SOS2: variants seen among roughly 807,000 people sequenced by gnomAD.
SOS2 encodes son of sevenless homolog 2.
SOS2 carries 65 observed loss-of-function variants against 148.2 expected under a neutral mutation model. That is an observed-to-expected ratio of 0.44 (90% CI 0.36 to 0.54). The LOEUF is 0.54. Among genes scored for constraint, SOS2 ranks in the 20% least tolerant of loss-of-function variants. SOS2 has a pLI of 0.00. For missense variants in SOS2, 1,341 were observed against 1,590.2 expected (o/e 0.84, Z 2.67); for synonymous variants, 539 against 537.1 (o/e 1.00, Z -0.05).
chr14:50,204,933 T>C (rs1055553227), intron 1 of SOS2, among the ~76,000 whole-genome samples: 5 of 150,728 alleles, frequency 3.3e-5, no homozygotes, highest in Non-Finnish European at 7.4e-5. Context: ...TGCATCCTTC[T>C]AGGGATGAGC....
chr14:50,201,836 TA>T (rs1259016283), intron 2 of SOS2, among the ~76,000 whole-genome samples: 1 of 152,196 alleles, frequency 6.6e-6, no homozygotes, highest in Non-Finnish European at 1.5e-5. Context: ...GAGCTTCAAA[TA>T]AAAGAGGTCA....
chr14:50,179,952 TAG>T, intron 7 of SOS2, among the ~76,000 whole-genome samples: 1 of 152,064 alleles, frequency 6.6e-6, no homozygotes, highest in Non-Finnish European at 1.5e-5. Context: ...CTTCCTCCTA[TAG>T]GGAACATAAT....
intron 8 of SOS2, among the ~76,000 whole-genome samples, chr14:50,170,103 T>C (rs1772502469): frequency 1.3e-5 from 2 of 151,512 alleles, no homozygotes; most frequent in Admixed American, 1.3e-4. Flanking sequence ...TCTGATTTTT[T>C]TTTTTTTTTT....
chr14:50,148,853 T>C (rs1340421030), intron 14 of SOS2, among the ~76,000 whole-genome samples: 3 of 152,216 alleles, frequency 2.0e-5, no homozygotes, highest in Admixed American at 6.5e-5. Flanking sequence ...TTTCCCTGTG[T>C]AATCTTTATT....
intron 9 of SOS2, among the ~76,000 whole-genome samples, chr14:50,160,442 A>AAT (rs1016161323): frequency 7.7e-6 from 1 of 129,370 alleles, no homozygotes; most frequent in Non-Finnish European, 1.5e-5. Flanking sequence ...GCTGGAATGC[A>AAT]ATGGCACGAT....
At chr14:50,181,539 T>G (rs537733706) in intron 6 of SOS2, among the ~76,000 whole-genome samples, 1 of 152,164 alleles carries the variant, frequency 6.6e-6, no homozygotes, top group Admixed American at 6.5e-5. Context: ...GAAAAAACTC[T>G]ACAACCTATG....
intron 19 of SOS2, 150 bp downstream of exon 19, chr14:50,133,972 TC>T (rs144665765): frequency 1.5e-4 from 93 of 622,426 alleles, no homozygotes; most frequent in South Asian, 1.8e-4. Context: ...GGCTGACATT[TC>T]CCCCCCCAGT....
Position 50,230,854 on chromosome 14 carries a change from T to C in SOS2, c.87+343A>G, listed in dbSNP as rs147657023. 11 of 1,005,292 alleles carry C rather than the reference T, an allele frequency of 1.1e-5. No homozygotes were observed. The East Asian group carries it at 1.0e-3, about 94-fold the overall frequency. The allele number at this position is 1,005,292 out of a possible 1,614,324, so 62.3% of individuals were successfully genotyped here. A position where few individuals can be genotyped will look rare whatever the true frequency, so the allele number is the denominator to read the frequency against. On this transcript the variant is annotated intron_variant, in intron 1 of 22. Coordinates refer to ENST00000216373, the MANE Select transcript of SOS2 (RefSeq NM_006939.4). ...TAATTACCCGGCCTGAAAATGTGCT[T>C]TTGTTTTAGAAACTGTCTAAATACC...
chr14:50,231,065 C>T (rs1225236332), intron 1 of SOS2, 132 bp downstream of exon 1: 3 of 564,240 alleles, frequency 5.3e-6, no homozygotes, highest in Non-Finnish European at 5.2e-6. Flanking sequence ...CAATTGTGAG[C>T]CCCCCATTGC....
chr14:50,216,089 T>TG (rs1431592099), intron 1 of SOS2, among the ~76,000 whole-genome samples: 1 of 111,612 alleles, frequency 9.0e-6, no homozygotes, highest in Non-Finnish European at 1.8e-5. Context: ...TTAAATGTTT[T>TG]GGGTTTTTTT....
chr14:50,167,837 C>T (rs1053694013), intron 8 of SOS2, among the ~76,000 whole-genome samples: 14 of 147,522 alleles, frequency 9.5e-5, no homozygotes, highest in Non-Finnish European at 3.0e-5. Context: ...CACTGCACTC[C>T]AGCCTGGGCG....
At chr14:50,150,721 C>T (rs1884634883) in intron 13 of SOS2, among the ~76,000 whole-genome samples, 1 of 151,800 alleles carries the variant, frequency 6.6e-6, no homozygotes, top group African/African-American at 2.4e-5. Flanking sequence ...CCACGCCTGG[C>T]TAATTTTTGT....
At chr14:50,173,624 T>C (rs577164944) in intron 8 of SOS2, among the ~76,000 whole-genome samples, 10 of 152,238 alleles carry the variant, frequency 6.6e-5, no homozygotes, top group Middle Eastern at 6.8e-3. Context: ...GGTTTCACCA[T>C]GTTAGCCAGG....
At chr14:50,163,756 T>C (rs1885084006) in intron 8 of SOS2, among the ~76,000 whole-genome samples, 1 of 152,250 alleles carries the variant, frequency 6.6e-6, no homozygotes, top group South Asian at 2.1e-4. Flanking sequence ...AATATGAATG[T>C]TGATGACATC....
chr14:50,127,272 G>A (rs1023405990), intron 21 of SOS2, among the ~76,000 whole-genome samples: 1 of 151,254 alleles, frequency 6.6e-6, no homozygotes. Flanking sequence ...CTCCCAAATA[G>A]CTGGGACTAC....
intron 5 of SOS2, among the ~76,000 whole-genome samples, chr14:50,183,281 T>G (rs1278765897): frequency 6.6e-6 from 1 of 152,094 alleles, no homozygotes; most frequent in Non-Finnish European, 1.5e-5. Context: ...TTTTCAAACA[T>G]GTACATCTTG....
chr14:50,230,883 G>T (rs950527587), intron 1 of SOS2: 2 of 1,044,266 alleles, frequency 1.9e-6, no homozygotes, highest in Admixed American at 5.5e-5. Flanking sequence ...AAATACCAGC[G>T]GGACTTTCTC....
chr14:50,163,901 C>T (rs1052098724), intron 8 of SOS2, among the ~76,000 whole-genome samples: 9 of 152,058 alleles, frequency 5.9e-5, no homozygotes, highest in Non-Finnish European at 1.3e-4. Flanking sequence ...AACTCTTCCA[C>T]GTGTCATTTT....
Position 50,159,715 on chromosome 14 carries a change from ATTATGCTG to A in SOS2, c.1560_1567del (p.Ser521IlefsTer4). 6.2e-7 allele frequency: 1 copy of A among 1,614,048 alleles called. No homozygotes were observed. Among genetic ancestry groups the A allele is most frequent in the Non-Finnish European group, 8.5e-7 (1 of 1,179,944 alleles). ...TTCTTCAGCAGACTTAGCAGCAAAT[ATTATGCTG>A]TTCTCATCTTTGGATACTAATTCAA... On this transcript the variant is annotated frameshift_variant, in exon 10 of 23. Coordinates refer to ENST00000216373, the MANE Select transcript of SOS2 (RefSeq NM_006939.4). LOFTEE classifies it high-confidence loss of function.
Sources: allele counts gnomAD v4.1 joint callset (sites outside exome capture counted in the v4.1 genomes callset), GRCh38; gene constraint gnomAD v4.1.1; transcripts MANE v1.5; gene names NCBI Gene and HGNC (gene_info 2026-07-23, HGNC 2026-07-21).